The following NALF1 variants were observed in gnomAD, a reference collection of about 807,000 sequenced individuals.
NALF1 encodes NALCN channel auxiliary factor 1, also known as family with sequence similarity 155 member A.
In NALF1, 3 loss-of-function variants were observed where a neutral mutation model predicts 48.4. That is an observed-to-expected ratio of 0.06 (90% confidence interval 0.03 to 0.16). NALF1 has a LOEUF of 0.16. Ranked by LOEUF, NALF1 falls within the 10% of genes least tolerant of loss-of-function variation. NALF1 has a pLI of 1.00. For missense variants in NALF1, 526 were observed against 571.5 expected (o/e 0.92, Z 0.81); for synonymous variants, 262 against 245.7 (o/e 1.07, Z -0.62).
At chr13:107,562,631 G>A (rs576921105) in intron 1 of NALF1, among the ~76,000 whole-genome samples, 1 of 152,308 alleles carries the variant, frequency 6.6e-6, no homozygotes, top group South Asian at 2.1e-4. Context: ...GAATCTCCAG[G>A]TGTCAGCTGA....
chr13:107,308,593 T>C (rs1881986572), intron 1 of NALF1, among the ~76,000 whole-genome samples: 1 of 152,224 alleles, frequency 6.6e-6, no homozygotes, highest in South Asian at 2.1e-4. Flanking sequence ...AAATTGCCAG[T>C]AGTTTTCCAT....
chr13:107,589,471 G>A (rs967413441), intron 1 of NALF1, among the ~76,000 whole-genome samples: 1 of 151,788 alleles, frequency 6.6e-6, no homozygotes, highest in Admixed American at 6.6e-5. Flanking sequence ...TTAAGTTTTG[G>A]GAAGGTTTAA....
chr13:107,702,194 T>G (rs761033288), intron 1 of NALF1, among the ~76,000 whole-genome samples: 16 of 152,286 alleles, frequency 1.1e-4, no homozygotes, highest in Middle Eastern at 3.4e-3. Context: ...GTCCTTTCAC[T>G]TATTATTTGA....
intron 1 of NALF1, among the ~76,000 whole-genome samples, chr13:107,760,799 A>G (rs1271990249): frequency 6.6e-6 from 1 of 152,164 alleles, no homozygotes; most frequent in East Asian, 1.9e-4. Context: ...TATAGCTCCT[A>G]TCAATTATAC....
chr13:107,525,940 A>G, intron 1 of NALF1, among the ~76,000 whole-genome samples: 1 of 152,082 alleles, frequency 6.6e-6, no homozygotes. Flanking sequence ...ATCCTATTTC[A>G]TAAAGTGTCT....
chr13:107,537,962 A>G (rs761853140), intron 1 of NALF1, among the ~76,000 whole-genome samples: 4 of 152,116 alleles, frequency 2.6e-5, no homozygotes, highest in Non-Finnish European at 5.9e-5. Flanking sequence ...GGTTGCAGTG[A>G]GCCAACATCG....
intron 1 of NALF1, among the ~76,000 whole-genome samples, chr13:107,503,523 T>G (rs918515273): frequency 1.3e-5 from 2 of 152,100 alleles, no homozygotes; most frequent in Non-Finnish European, 2.9e-5. Flanking sequence ...GGTACAGTGA[T>G]TATTAAAAAG....
At chr13:107,443,711 G>A (rs1219878691) in intron 1 of NALF1, among the ~76,000 whole-genome samples, 1 of 152,106 alleles carries the variant, frequency 6.6e-6, no homozygotes, top group Non-Finnish European at 1.5e-5. Context: ...GTCTAGTTGT[G>A]ATTAAACCAT....
intron 1 of NALF1, among the ~76,000 whole-genome samples, chr13:107,284,267 T>C (rs943416848): frequency 7.2e-5 from 11 of 152,128 alleles, no homozygotes; most frequent in Admixed American, 7.2e-4. Flanking sequence ...GATTTCCAGT[T>C]AGTATATTTA....
intron 1 of NALF1, among the ~76,000 whole-genome samples, chr13:107,485,143 G>A (rs1489169857): frequency 6.6e-6 from 1 of 152,120 alleles, no homozygotes; most frequent in African/African-American, 2.4e-5. Context: ...GGCTGCATTT[G>A]TAACTCCCAT....
At chr13:107,245,849 T>G (rs1880571315) in intron 1 of NALF1, among the ~76,000 whole-genome samples, 1 of 152,194 alleles carries the variant, frequency 6.6e-6, no homozygotes, top group African/African-American at 2.4e-5. Context: ...CTACATCTCT[T>G]TCTAATACTG....
intron 1 of NALF1, among the ~76,000 whole-genome samples, chr13:107,695,901 T>TTC (rs1276776544): frequency 6.6e-6 from 1 of 151,136 alleles, no homozygotes; most frequent in African/African-American, 2.4e-5. Flanking sequence ...CTATATTCTT[T>TTC]TTTTTTTTTT....
At chr13:107,689,085 T>C (rs1344045623) in intron 1 of NALF1, among the ~76,000 whole-genome samples, 1 of 152,188 alleles carries the variant, frequency 6.6e-6, no homozygotes, top group East Asian at 1.9e-4. Flanking sequence ...CTGGCTTCCC[T>C]GGGGAGATAT....
At chr13:107,660,768 A>T (rs1224990306) in intron 1 of NALF1, among the ~76,000 whole-genome samples, 1 of 152,094 alleles carries the variant, frequency 6.6e-6, no homozygotes, top group African/African-American at 2.4e-5. Context: ...AATGTAAACT[A>T]TGGACCCTGG....
At chr13:107,400,030 A>T (rs1389103648) in intron 1 of NALF1, among the ~76,000 whole-genome samples, 1 of 152,088 alleles carries the variant, frequency 6.6e-6, no homozygotes, top group African/African-American at 2.4e-5. Context: ...TAGAACTAAA[A>T]TTTTTCTAAT....
At chr13:107,733,578 T>G (rs903515630) in intron 1 of NALF1, among the ~76,000 whole-genome samples, 2 of 144,098 alleles carry the variant, frequency 1.4e-5, no homozygotes, top group African/African-American at 5.3e-5. Context: ...ATCATATATC[T>G]ATTACAGTTC....
intron 1 of NALF1, among the ~76,000 whole-genome samples, chr13:107,351,113 T>G (rs1882864313): frequency 6.6e-6 from 1 of 152,216 alleles, no homozygotes; most frequent in Non-Finnish European, 1.5e-5. Context: ...CTGATTTGGT[T>G]TGCATAACAA....
chr13:107,579,919 C>T (rs1878257913), intron 1 of NALF1, among the ~76,000 whole-genome samples: 1 of 151,806 alleles, frequency 6.6e-6, no homozygotes, highest in African/African-American at 2.4e-5. Context: ...ACTAGAAATA[C>T]CATTTGACCC....
At chr13:107,231,081 G>T (rs1594080867) in intron 1 of NALF1, among the ~76,000 whole-genome samples, 1 of 139,280 alleles carries the variant, frequency 7.2e-6, no homozygotes, top group African/African-American at 2.7e-5. Context: ...AAAAAAAAAG[G>T]AAGAAAAGAA....
Sources: gnomAD v4.1 joint callset for allele counts (sites outside exome capture counted in the v4.1 genomes callset) on GRCh38, gnomAD v4.1.1 for gene constraint, MANE v1.5 for transcripts, NCBI Gene and HGNC (gene_info 2026-07-23, HGNC 2026-07-21) for gene names.